Variants in TEX29 observed in about 807,000 individuals in gnomAD.
TEX29 encodes testis expressed 29.
A neutral mutation model predicts 18.2 loss-of-function variants in TEX29; 26 were observed. The ratio of observed to expected loss-of-function variants is 1.43; its 90% confidence interval spans 1.04 to 1.98. TEX29 has a LOEUF of 1.98. Ranked by LOEUF, TEX29 falls within the 30% of genes most tolerant of loss-of-function variation. The pLI is 0.00. For synonymous variants in TEX29, 83 were observed against 78.5 expected, an observed-to-expected ratio of 1.06 and a Z score of -0.31; for missense variants, 177 against 194.2, an observed-to-expected ratio of 0.91 and a Z score of 0.53.
intron 4 of TEX29, among the ~76,000 whole-genome samples, chr13:111,342,516 T>C (rs1165174148): frequency 5.5e-5 from 7 of 127,140 alleles, no homozygotes; most frequent in African/African-American, 1.9e-4. Context: ...GCCGTGTTTG[T>C]GCCATTGCAC....
At chr13:111,342,557 CAAAA>C (rs34305274) in intron 4 of TEX29, among the ~76,000 whole-genome samples, 195 bp from the exon 5 acceptor site, 2 of 75,320 alleles carry the variant, frequency 2.7e-5, no homozygotes, top group African/African-American at 1.0e-4. Flanking sequence ...AAAACTGTCT[CAAAA>C]AAAAAAAAAA....
At chr13:111,324,848 G>A (rs2093670204) in intron 2 of TEX29, among the ~76,000 whole-genome samples, 1 of 152,204 alleles carries the variant, frequency 6.6e-6, no homozygotes, top group South Asian at 2.1e-4. Flanking sequence ...GCAGAGTGAA[G>A]AGACTTTCCA....
intron 2 of TEX29, among the ~76,000 whole-genome samples, chr13:111,326,553 AACGCGAGCCTGGTGCTGGCGG>A: frequency 7.4e-6 from 1 of 135,736 alleles, no homozygotes; most frequent in African/African-American, 2.8e-5. Context: ...GACTGCGGGC[AACGCGAGCCTGGTGCTGGCGG>A]GTGTCTGGTC....
chr13:111,342,568 A>C (rs1420304845), intron 4 of TEX29, among the ~76,000 whole-genome samples, 188 bp from the exon 5 acceptor site: 1 of 151,602 alleles, frequency 6.6e-6, no homozygotes, highest in Admixed American at 6.6e-5. Context: ...AAAAAAAAAA[A>C]AAAAAAAAAG....
chr13:111,339,271 A>G lies in TEX29; in HGVS notation c.170-592A>G, dbSNP rs115776109. The G allele has an allele frequency of 3.0e-3, 1,373 of 455,182 alleles. 19 individuals carry two copies. Among genetic ancestry groups the G allele is most frequent in the African/African-American group, 0.024 (1,200 of 50,156 alleles). 28.2% of individuals were successfully genotyped at this position (455,182 alleles called of 1,614,324 possible). A position where few individuals can be genotyped will look rare whatever the true frequency, so the allele number is the denominator to read the frequency against. ...CAGTCAAGGATTTGTCTATGATCCA[A>G]TAAGTGTTTTCCTTGTATTCAGTTT... On this transcript the variant is annotated intron_variant, in intron 3 of 5. Transcript: ENST00000283547.
chr13:111,326,321 T>TGGA lies in TEX29; in HGVS notation c.59-1860_59-1858dup, dbSNP rs1431952100. Reference sequence around the variant, plus strand: ...GGCAGTGTGAGCCTGTCTGGTGGGGTGGAGACTGCGGGCAACGCGAGCCTG... The same window carrying TGGA: ...GGCAGTGTGAGCCTGTCTGGTGGGGTGGAGGAGACTGCGGGCAACGCGAGCCTG... On this transcript the variant is annotated intron_variant, in intron 2 of 5. Coordinates refer to ENST00000283547, the MANE Select transcript of TEX29 (RefSeq NM_152324.3). Among the ~76,000 whole-genome samples, 551 of 66,804 alleles carry TGGA rather than the reference T, an allele frequency of 8.2e-3. 2 individuals are homozygous for TGGA. Among genetic ancestry groups the TGGA allele is most frequent in the Middle Eastern group, 0.013 (1 of 78 alleles). The allele number at this position is 66,804 out of a possible 152,430, so 43.8% of individuals were successfully genotyped here. A position where few individuals can be genotyped will look rare whatever the true frequency, so the allele number is the denominator to read the frequency against.
Position 111,344,233 on chromosome 13 carries a change from G to T in TEX29, c.*110G>T. 1 of 934,904 alleles carries T rather than the reference G, an allele frequency of 1.1e-6. No individual in the cohort carries two copies. Among genetic ancestry groups the T allele is most frequent in the South Asian group, 1.5e-5 (1 of 65,812 alleles). 57.9% of individuals were successfully genotyped at this position (934,904 alleles called of 1,614,324 possible). On this transcript the variant is annotated 3_prime_UTR_variant, in exon 6 of 6. Coordinates refer to ENST00000283547, the MANE Select transcript of TEX29 (RefSeq NM_152324.3). ...GACCACCCAAAGAGAAAAAAATAAA[G>T]GTATTTTGAAAATTGCTTCTCGTCC... is the stretch of plus-strand genomic sequence containing the variant.
chr13:111,330,893 A>G (rs919298554), intron 3 of TEX29, among the ~76,000 whole-genome samples: 1 of 152,162 alleles, frequency 6.6e-6, no homozygotes, highest in Admixed American at 6.5e-5. Context: ...CTTTCTGTTT[A>G]TTGCGGAGTC....
chr13:111,327,056 G>A (rs28657402), intron 2 of TEX29, among the ~76,000 whole-genome samples: 34,776 of 152,062 alleles, frequency 0.23, 4,574 homozygotes, highest in South Asian at 0.31. Context: ...GGCCTCTTCC[G>A]GCCTCCCCCG....
At chr13:111,341,732 C>T (rs2093696744) in intron 4 of TEX29, among the ~76,000 whole-genome samples, 2 of 150,644 alleles carry the variant, frequency 1.3e-5, no homozygotes, top group African/African-American at 4.9e-5. Context: ...AAATCATAAC[C>T]CGTGTTTAGT....
chr13:111,342,978 C>T, intron 5 of TEX29, 47 bp downstream of exon 5: 4 of 1,594,524 alleles, frequency 2.5e-6, no homozygotes, highest in Non-Finnish European at 3.4e-6. Flanking sequence ...AAGGGCGTGG[C>T]TCTGTTCCCT....
intron 2 of TEX29, 33 bp from the exon 3 acceptor site, chr13:111,328,150 G>A (rs1423128012): frequency 6.9e-7 from 1 of 1,445,392 alleles, no homozygotes; most frequent in African/African-American, 1.4e-5. Context: ...TTGTTTTCGG[G>A]GGTGACACTT....
intron 3 of TEX29, among the ~76,000 whole-genome samples, chr13:111,334,863 C>T (rs978765807): frequency 5.3e-5 from 8 of 152,158 alleles, no homozygotes; most frequent in African/African-American, 1.7e-4. Flanking sequence ...GAAGGAGGTC[C>T]CACCCTGTTC....
chr13:111,316,188 A>C (rs1447327147), upstream of TEX29: 1 of 496,746 alleles, frequency 2.0e-6, no homozygotes, highest in African/African-American at 1.9e-5. Context: ...TTTACAGGTG[A>C]GTTCTCCTGG....
At chr13:111,332,520 G>T (rs770828642) in intron 3 of TEX29, among the ~76,000 whole-genome samples, 7 of 151,570 alleles carry the variant, frequency 4.6e-5, no homozygotes, top group Non-Finnish European at 1.0e-4. Flanking sequence ...ATGCCTTTTA[G>T]TTCATTTTCT....
Position 111,328,191 on chromosome 13 carries a change from G to T in TEX29, c.67G>T (p.Val23Phe), listed in dbSNP as rs1388820916. Residue 23 changes from valine (V) to phenylalanine (F), a missense_variant, in exon 3 of 6, where the codon GTT (valine) becomes TTT (phenylalanine). Physicochemically the swap from Val to Phe is conservative, Grantham distance 50. Transcript: ENST00000283547. ...TGTCTGTGCTTTTGCAGTGTGTGAC[G>T]TTCCTCTGTATGACATTTGTGACTA... ...HLLKQFTVCD[V>F]PLYDICDYNV... 1.2e-6 allele frequency: 2 copies of T among 1,610,920 alleles called. No individual in the cohort carries two copies. Among genetic ancestry groups the T allele is most frequent in the South Asian group, 1.1e-5 (1 of 91,002 alleles).
chr13:111,324,494 C>A (rs747376120), intron 2 of TEX29, among the ~76,000 whole-genome samples: 1 of 152,190 alleles, frequency 6.6e-6, no homozygotes, highest in East Asian at 1.9e-4. Flanking sequence ...ACTGCTTCAT[C>A]GGGAAACGAG....
intron 3 of TEX29, among the ~76,000 whole-genome samples, chr13:111,334,127 T>A (rs748488921): frequency 6.6e-6 from 1 of 152,226 alleles, no homozygotes; most frequent in Non-Finnish European, 1.5e-5. Flanking sequence ...ATGGCCATAC[T>A]TTCTCATTTC....
intron 2 of TEX29, among the ~76,000 whole-genome samples, chr13:111,325,664 CA>C (rs1412711729): frequency 6.6e-6 from 1 of 152,066 alleles, no homozygotes; most frequent in Non-Finnish European, 1.5e-5. Flanking sequence ...TGCATGGCGA[CA>C]TTGTGGAGGT....
Sources: gnomAD v4.1 joint callset for allele counts (sites outside exome capture counted in the v4.1 genomes callset) on GRCh38, gnomAD v4.1.1 for gene constraint, MANE v1.5 for transcripts, NCBI Gene and HGNC (gene_info 2026-07-23, HGNC 2026-07-21) for gene names.